Variants in PIP4K2A observed in about 807,000 individuals in gnomAD.
PIP4K2A encodes the protein phosphatidylinositol 5-phosphate 4-kinase type-2 alpha.
Under a neutral mutation model 42.9 loss-of-function variants are expected in PIP4K2A, and 14 were observed. The observed-to-expected ratio is 0.33, with a 90% CI of 0.22 to 0.51. PIP4K2A has a LOEUF of 0.51. Ranked by LOEUF, PIP4K2A falls within the 20% of genes least tolerant of loss-of-function variation. PIP4K2A has a pLI of 0.97. For synonymous variants in PIP4K2A, 192 were observed against 192.2 expected (o/e 1.00, Z 0.01); for missense variants, 434 against 519.8 (o/e 0.83, Z 1.61).
At chr10:22,680,379 A>AT (rs1416417134) in intron 1 of PIP4K2A, among the ~76,000 whole-genome samples, 1 of 152,120 alleles carries the variant, frequency 6.6e-6, no homozygotes, top group African/African-American at 2.4e-5. Context: ...GTGCTTTAGA[A>AT]TTTTCTATCC....
intron 4 of PIP4K2A, among the ~76,000 whole-genome samples, chr10:22,585,360 TATTA>T (rs766614135): frequency 7.2e-5 from 11 of 152,188 alleles, no homozygotes; most frequent in Admixed American, 2.0e-4. Flanking sequence ...CAACTAAAGA[TATTA>T]ATTGTTTCCC....
chr10:22,547,073 A>T (rs1003570675), intron 7 of PIP4K2A, among the ~76,000 whole-genome samples: 1 of 152,088 alleles, frequency 6.6e-6, no homozygotes, highest in Non-Finnish European at 1.5e-5. Flanking sequence ...CAAATCTTTG[A>T]GCTACAATCT....
intron 1 of PIP4K2A, among the ~76,000 whole-genome samples, chr10:22,657,249 CT>C (rs2130824526): frequency 6.6e-6 from 1 of 152,322 alleles, no homozygotes; most frequent in East Asian, 1.9e-4. Flanking sequence ...CAACGCAGTA[CT>C]TTTTCCTCCC....
chr10:22,563,318 C>T (rs1253202991), intron 6 of PIP4K2A, among the ~76,000 whole-genome samples: 1 of 152,192 alleles, frequency 6.6e-6, no homozygotes, highest in Non-Finnish European at 1.5e-5. Flanking sequence ...CTAATGTTTG[C>T]ACAGTGTAAG....
chr10:22,605,130 G>T (rs534199285), intron 3 of PIP4K2A, among the ~76,000 whole-genome samples: 2 of 151,468 alleles, frequency 1.3e-5, no homozygotes, highest in Admixed American at 6.6e-5. Context: ...ATATACGACT[G>T]AGGAGGGAAG....
intron 1 of PIP4K2A, among the ~76,000 whole-genome samples, chr10:22,711,870 A>G (rs1833917526): frequency 6.6e-6 from 1 of 152,182 alleles, no homozygotes; most frequent in South Asian, 2.1e-4. Context: ...TTACACCTCC[A>G]TTCTTTTTTC....
intron 1 of PIP4K2A, among the ~76,000 whole-genome samples, chr10:22,644,603 C>T (rs1228165363): frequency 6.6e-6 from 1 of 152,212 alleles, no homozygotes; most frequent in East Asian, 1.9e-4. Context: ...GGGCTCCCCT[C>T]ACCACCCTAT....
intron 1 of PIP4K2A, among the ~76,000 whole-genome samples, chr10:22,677,312 C>T (rs377593913): frequency 2.0e-5 from 3 of 152,078 alleles, no homozygotes; most frequent in Admixed American, 6.5e-5. Flanking sequence ...TTAATGGGCA[C>T]GCCAAATAAT....
chr10:22,618,928 C>T (rs1838249278), intron 1 of PIP4K2A, among the ~76,000 whole-genome samples: 1 of 152,204 alleles, frequency 6.6e-6, no homozygotes, highest in Non-Finnish European at 1.5e-5. Context: ...GCAACCAGAA[C>T]ATACTTAGAA....
chr10:22,628,925 C>T (rs1303055775), intron 1 of PIP4K2A, among the ~76,000 whole-genome samples: 1 of 152,162 alleles, frequency 6.6e-6, no homozygotes, highest in East Asian at 1.9e-4. Context: ...TAGAATGAGG[C>T]ATGTCCAACC....
chr10:22,568,019 G>A (rs1467224895), intron 5 of PIP4K2A, 130 bp from the exon 6 acceptor site: 1 of 795,520 alleles, frequency 1.3e-6, no homozygotes, highest in Non-Finnish European at 2.2e-6. Context: ...AGCCCATGCG[G>A]AATGGGCTTC....
chr10:22,563,095 T>A (rs1836751794), intron 6 of PIP4K2A, among the ~76,000 whole-genome samples: 1 of 152,180 alleles, frequency 6.6e-6, no homozygotes, highest in African/African-American at 2.4e-5. Context: ...GCAGGCACAC[T>A]CTCCATCATT....
intron 1 of PIP4K2A, among the ~76,000 whole-genome samples, chr10:22,701,253 T>C (rs1299674311): frequency 6.6e-6 from 1 of 152,150 alleles, no homozygotes; most frequent in Non-Finnish European, 1.5e-5. Flanking sequence ...GTGTGAATGG[T>C]AAGAAAATGA....
At chr10:22,602,847 C>T (rs1039994532) in intron 3 of PIP4K2A, among the ~76,000 whole-genome samples, 6 of 152,126 alleles carry the variant, frequency 3.9e-5, no homozygotes, top group Admixed American at 1.3e-4. Flanking sequence ...ACTGTCCTGA[C>T]TGCAAATATT....
intron 1 of PIP4K2A, among the ~76,000 whole-genome samples, chr10:22,620,892 C>T (rs1460119565): frequency 1.3e-5 from 2 of 152,204 alleles, no homozygotes; most frequent in Non-Finnish European, 2.9e-5. Flanking sequence ...ACACACATAA[C>T]CTCTTTAAGT....
At chr10:22,633,236 T>C (rs945843396) in intron 1 of PIP4K2A, among the ~76,000 whole-genome samples, 17 of 152,220 alleles carry the variant, frequency 1.1e-4, no homozygotes, top group African/African-American at 3.9e-4. Flanking sequence ...CTGCCTCTTG[T>C]TTTATAAACA....
chr10:22,595,659 A>C (rs1454365467), intron 3 of PIP4K2A, among the ~76,000 whole-genome samples: 1 of 152,066 alleles, frequency 6.6e-6, no homozygotes, highest in Admixed American at 6.5e-5. Flanking sequence ...TGGGAGGCTG[A>C]GGCACGAGAA....
At chr10:22,590,997 G>T (rs1254469737) in intron 4 of PIP4K2A, among the ~76,000 whole-genome samples, 2 of 152,254 alleles carry the variant, frequency 1.3e-5, no homozygotes, top group African/African-American at 2.4e-5. Flanking sequence ...CACAGCGCGG[G>T]CTGGGCCTTG....
chr10:22,580,612 ATCTATTACCCTTTTG>A (rs1431323592), intron 4 of PIP4K2A, among the ~76,000 whole-genome samples: 45 of 149,590 alleles, frequency 3.0e-4, no homozygotes, highest in African/African-American at 1.1e-3. Flanking sequence ...AAAGCATCCT[ATCTATTACCCTTTTG>A]TAAAACACTG....
Sources: gnomAD v4.1 joint callset for allele counts (sites outside exome capture counted in the v4.1 genomes callset) on GRCh38, gnomAD v4.1.1 for gene constraint, MANE v1.5 for transcripts, NCBI Gene and HGNC (gene_info 2026-07-23, HGNC 2026-07-21) for gene names.